The following ACVR2B variants were observed in gnomAD, a reference collection of about 807,000 sequenced individuals.
ACVR2B encodes the protein activin receptor type-2B.
A neutral mutation model predicts 65.1 loss-of-function variants in ACVR2B; 18 were observed. That is an observed-to-expected ratio of 0.28 (90% CI 0.19 to 0.41). The LOEUF (loss-of-function observed/expected upper bound fraction) is 0.41. ACVR2B is among the 10% of genes least tolerant of loss of function. The probability of loss-of-function intolerance (pLI) is 1.00; values close to 1 mark genes in which losing one functional copy is unlikely to be tolerated. For missense variants in ACVR2B, 482 were observed against 682.7 expected (o/e 0.71, Z 3.28); for synonymous variants, 298 against 277.7 (o/e 1.07, Z -0.73).
chr3:38,469,021 G>A (rs1709778012), intron 1 of ACVR2B, among the ~76,000 whole-genome samples: 1 of 152,170 alleles, frequency 6.6e-6, no homozygotes, highest in African/African-American at 2.4e-5. Context: ...AGTTGGAAGT[G>A]ACTTGAGGTC....
rs1710190429 is a variant in ACVR2B at position 38,490,346 on chromosome 3, T to C, written c.*7014T>C. 1 of 152,592 alleles carries C rather than the reference T, an allele frequency of 6.6e-6. No homozygotes were observed. The highest frequency in any genetic ancestry group is 2.4e-5 in the African/African-American group (1 of 41,436). 9.5% of individuals were successfully genotyped at this position (152,592 alleles called of 1,614,324 possible). A position where few individuals can be genotyped will look rare whatever the true frequency, so the allele number is the denominator to read the frequency against. ...TATCAAGAGAATCCCTAATGTGTCA[T>C]TTTAAACCAGCTGTGCTTTTTATTC... On this transcript the variant is annotated 3_prime_UTR_variant, in exon 11 of 11. Coordinates refer to ENST00000352511, the MANE Select transcript of ACVR2B (RefSeq NM_001106.4).
rs1186682287 is a variant in ACVR2B at position 38,453,907 on chromosome 3, G to C, written c.-416G>C. 1 of 147,686 alleles carries C rather than the reference G, an allele frequency of 6.8e-6. No homozygotes were observed. Among genetic ancestry groups the C allele is most frequent in the Non-Finnish European group, 1.5e-5 (1 of 67,082 alleles). The allele number at this position is 147,686 out of a possible 1,614,324, so 9.1% of individuals were successfully genotyped here. Reference sequence around the variant, plus strand: ...TCCCCGCTGGCTCGGCTCCGTGGCCGCCGCTCAGGAGCCATTTTGGACTCG... The same window carrying C: ...TCCCCGCTGGCTCGGCTCCGTGGCCCCCGCTCAGGAGCCATTTTGGACTCG... On this transcript the variant is annotated 5_prime_UTR_variant, in exon 1 of 11. Coordinates refer to ENST00000352511, the MANE Select transcript of ACVR2B (RefSeq NM_001106.4).
chr3:38,464,056 T>C (rs577810842), intron 1 of ACVR2B, among the ~76,000 whole-genome samples: 59 of 152,224 alleles, frequency 3.9e-4, no homozygotes, highest in Non-Finnish European at 6.2e-4. Context: ...TCTGTAAATA[T>C]ATTAATGGCA....
At position 38,464,963 on chromosome 3, in the gene ACVR2B, A is replaced by G. The variant is rs1709705199; in HGVS notation, c.52+10589A>G. Among the ~76,000 whole-genome samples, 3 of 152,190 alleles carry G rather than the reference A, an allele frequency of 2.0e-5. No homozygotes were observed. The South Asian group carries it at 6.2e-4, about 31-fold the overall frequency. On this transcript the variant is annotated intron_variant, in intron 1 of 10. Coordinates refer to ENST00000352511, the MANE Select transcript of ACVR2B (RefSeq NM_001106.4). ...TAATTCTTTCTAGAGGATTTATGTC[A>G]TCCTAGGCCTCGAATTATCTCTATA...
At chr3:38,465,181 G>A (rs532447800) in intron 1 of ACVR2B, among the ~76,000 whole-genome samples, 1 of 151,856 alleles carries the variant, frequency 6.6e-6, no homozygotes, top group East Asian at 1.9e-4. Flanking sequence ...GGTGGATCAC[G>A]AGGACAGGAG....
rs2059816339 is a variant in ACVR2B at position 38,492,365 on chromosome 3, C to CA, written c.*9034dup. 1 of 152,554 alleles carries CA rather than the reference C, an allele frequency of 6.6e-6. No homozygotes were observed. The highest frequency in any genetic ancestry group is 2.4e-5 in the African/African-American group (1 of 41,416). The allele number at this position is 152,554 out of a possible 1,614,324, so 9.5% of individuals were successfully genotyped here. On this transcript the variant is annotated 3_prime_UTR_variant, in exon 11 of 11. Coordinates refer to ENST00000352511, the MANE Select transcript of ACVR2B (RefSeq NM_001106.4). The stretch of plus-strand genomic sequence containing the variant: ...AAAATTGTAATTAAAAGTTTGGGTT[C>CA]ACCTGTTTCTCACAGTTTAAAATGA...
At position 38,483,783 on chromosome 3, in the gene ACVR2B, C is replaced by G. The variant is rs1347524529; in HGVS notation, c.*451C>G. 1 of 153,892 alleles carries G rather than the reference C, an allele frequency of 6.5e-6. No homozygotes were observed. The highest frequency in any genetic ancestry group is 1.5e-5 in the Non-Finnish European group (1 of 68,942). 9.5% of individuals were successfully genotyped at this position (153,892 alleles called of 1,614,324 possible). A position where few individuals can be genotyped will look rare whatever the true frequency, so the allele number is the denominator to read the frequency against. On this transcript the variant is annotated 3_prime_UTR_variant, in exon 11 of 11. Transcript: ENST00000352511. This position sits in a 1 kb window ranked among gnomAD's most constrained non-coding sequence, Gnocchi z 4.8. ...ACCTTTGAAGACTGTTACATAAGAA[C>G]ATACCTTCCTCAGAAGAGGAGTTTC...
intron 1 of ACVR2B, among the ~76,000 whole-genome samples, chr3:38,472,486 C>T (rs1709834570): frequency 6.6e-6 from 1 of 152,106 alleles, no homozygotes; most frequent in Non-Finnish European, 1.5e-5. Context: ...GGGTGTGCCT[C>T]AGTGTGCTGG....
At chr3:38,460,307 G>A (rs1194729275) in intron 1 of ACVR2B, among the ~76,000 whole-genome samples, 1 of 152,162 alleles carries the variant, frequency 6.6e-6, no homozygotes, top group Admixed American at 6.5e-5. Flanking sequence ...AGCCCTAGAG[G>A]TGCCTATTCC....
chr3:38,458,159 CTG>C (rs1709581914), intron 1 of ACVR2B, among the ~76,000 whole-genome samples: 1 of 152,146 alleles, frequency 6.6e-6, no homozygotes, highest in Non-Finnish European at 1.5e-5. Flanking sequence ...GTGTACTACT[CTG>C]TGGGTCTTTC....
Position 38,478,391 on chromosome 3 carries a change from C to T in ACVR2B, c.539C>T (p.Pro180Leu). The T allele has an allele frequency of 6.2e-7, 1 of 1,614,112 alleles. No individual in the cohort carries two copies. Among genetic ancestry groups the T allele is most frequent in the East Asian group, 2.2e-5 (1 of 44,880 alleles). Reference sequence around the variant, plus strand: ...CTCCCCCAGGACCCTGGGCCTCCACCACCATCCCCTCTGGTGGGCCTGAAG... The same window carrying T: ...CTCCCCCAGGACCCTGGGCCTCCACTACCATCCCCTCTGGTGGGCCTGAAG... Reference protein sequence around the residue: ...VDIHEDPGPPPPSPLVGLKPL... With the variant: ...VDIHEDPGPPLPSPLVGLKPL... Residue 180 changes from proline to leucine, a missense_variant, in exon 5 of 11, where the codon CCA (proline) becomes CTA (leucine). Pro to Leu is a moderately conservative substitution (Grantham distance 98). Around this residue, in one of 5 missense-constraint regions of ACVR2B, gnomAD observed 95 missense variants for 91.6 expected, o/e 1.04. Coordinates refer to ENST00000352511, the MANE Select transcript of ACVR2B (RefSeq NM_001106.4).
chr3:38,462,858 TTTTA>T (rs1248381898), intron 1 of ACVR2B, among the ~76,000 whole-genome samples: 5 of 152,246 alleles, frequency 3.3e-5, no homozygotes, highest in South Asian at 4.1e-4. Flanking sequence ...GGTTATACCA[TTTTA>T]TTTATTTATT....
Position 38,491,912 on chromosome 3 carries a change from C to CA in ACVR2B, c.*8585dup, listed in dbSNP as rs2059812897. On this transcript the variant is annotated 3_prime_UTR_variant, in exon 11 of 11. Coordinates refer to ENST00000352511, the MANE Select transcript of ACVR2B (RefSeq NM_001106.4). Reference sequence around the variant, plus strand: ...ACAACAATGCCATTTTTCAACTGTACAAAAATCTGCTTATGAACTGGACAT... The same window carrying CA: ...ACAACAATGCCATTTTTCAACTGTACAAAAAATCTGCTTATGAACTGGACAT... 6.6e-6 allele frequency: 1 copy of CA among 152,154 alleles called. No homozygotes were observed. The allele number at this position is 152,154 out of a possible 1,614,324, so 9.4% of individuals were successfully genotyped here. A position where few individuals can be genotyped will look rare whatever the true frequency, so the allele number is the denominator to read the frequency against.
chr3:38,457,394 T>C (rs1423723887), intron 1 of ACVR2B, among the ~76,000 whole-genome samples: 2 of 152,192 alleles, frequency 1.3e-5, no homozygotes, highest in Admixed American at 6.5e-5. Context: ...GTGGCTACCA[T>C]ATTAGACAAT....
rs1710096033 is a variant in ACVR2B at position 38,485,313 on chromosome 3, ACTT to A, written c.*1986_*1988del. ...ATGGGGTGATTTTACTTGGGATTTAACTTCTTCAGCAAATTAACAGCAACGTTG... is the reference window on the plus strand; with the variant it reads ...ATGGGGTGATTTTACTTGGGATTTAACTTCAGCAAATTAACAGCAACGTTG... On this transcript the variant is annotated 3_prime_UTR_variant, in exon 11 of 11. Transcript: ENST00000352511. The A allele has an allele frequency of 6.6e-6, 1 of 152,232 alleles. No homozygotes were observed. Among genetic ancestry groups the A allele is most frequent in the African/African-American group, 2.4e-5 (1 of 41,444 alleles). The allele number at this position is 152,232 out of a possible 1,614,324, so 9.4% of individuals were successfully genotyped here. A position where few individuals can be genotyped will look rare whatever the true frequency, so the allele number is the denominator to read the frequency against.
At chr3:38,458,702 C>T (rs936254647) in intron 1 of ACVR2B, among the ~76,000 whole-genome samples, 2 of 152,112 alleles carry the variant, frequency 1.3e-5, no homozygotes, top group African/African-American at 2.4e-5. Flanking sequence ...GATCCACTCA[C>T]GGATACTGAC....
intron 8 of ACVR2B, 38 bp from the exon 9 acceptor site, chr3:38,482,160 A>C (rs761061144): frequency 6.2e-7 from 1 of 1,613,712 alleles, no homozygotes; most frequent in Non-Finnish European, 8.5e-7. Flanking sequence ...GTGTATGGCC[A>C]GTCACTGTAA....
intron 1 of ACVR2B, among the ~76,000 whole-genome samples, chr3:38,462,726 T>C (rs1175052562): frequency 1.3e-5 from 2 of 152,230 alleles, no homozygotes. Context: ...TTTACCTAGT[T>C]TCTTACTGAT....
chr3:38,465,344 G>C (rs543870837), intron 1 of ACVR2B, among the ~76,000 whole-genome samples: 1 of 145,468 alleles, frequency 6.9e-6, no homozygotes, highest in Non-Finnish European at 1.5e-5. Flanking sequence ...GTTGCAGTGA[G>C]CTGAAATCGC....
Sources: gnomAD v4.1 joint callset for allele counts (sites outside exome capture counted in the v4.1 genomes callset) on GRCh38, gnomAD v4.1.1 for gene constraint, gnomAD v4.1.1 regional missense constraint, Gnocchi (gnomAD v3.1) non-coding constraint, MANE v1.5 for transcripts, NCBI Gene and HGNC (gene_info 2026-07-23, HGNC 2026-07-21) for gene names.